The following CELF4 variants were observed in gnomAD, a reference collection of about 807,000 sequenced individuals.
CELF4 encodes the protein CUG-BP- and ETR-3-like factor 4.
In CELF4, 18 loss-of-function variants were observed where a neutral mutation model predicts 59.9. The observed-to-expected ratio is 0.30, with a 90% confidence interval of 0.21 to 0.45. CELF4 has a LOEUF of 0.45. Ranked by LOEUF, CELF4 falls within the 20% of genes least tolerant of loss-of-function variation. The pLI, the probability that CELF4 is intolerant of heterozygous loss-of-function variation, is 1.00. For missense variants in CELF4, 456 were observed against 689.0 expected (o/e 0.66, Z 3.79); for synonymous variants, 261 against 267.1 (o/e 0.98, Z 0.22).
intron 3 of CELF4, among the ~76,000 whole-genome samples, chr18:37,295,753 G>A (rs1208878047): frequency 2.0e-5 from 3 of 152,240 alleles, no homozygotes; most frequent in Admixed American, 6.5e-5. Context: ...GGCATGGGGA[G>A]TCTCCAACAT....
chr18:37,270,805 C>T lies in CELF4; in HGVS notation c.1062G>A (p.Ala354=), dbSNP rs376891998. Reference sequence around the variant, plus strand: ...GGATGCCATTGGCGAACACAGCTTCCGCAGCAGGTTGCCCATTGGCCTGTG... The same window carrying T: ...GGATGCCATTGGCGAACACAGCTTCTGCAGCAGGTTGCCCATTGGCCTGTG... ...LPPQANGQPA[A]EAVFANGIHP... is the part of the protein sequence containing the mutation. Residue 354 remains alanine, a synonymous_variant, in exon 8 of 13, where the codon GCG becomes GCA. Transcript: ENST00000420428. 5.0e-5 allele frequency: 81 copies of T among 1,613,976 alleles called. 1 individual carries two copies. The highest frequency in any genetic ancestry group is 2.5e-4 in the East Asian group (11 of 44,878).
intron 2 of CELF4, among the ~76,000 whole-genome samples, chr18:37,355,984 G>A (rs936360673): frequency 3.3e-5 from 5 of 152,124 alleles, no homozygotes; most frequent in Admixed American, 6.5e-5. Flanking sequence ...GTCTGTCTTC[G>A]TCAGCCACAG....
At chr18:37,302,319 A>C (rs2096106663) in intron 3 of CELF4, among the ~76,000 whole-genome samples, 1 of 152,078 alleles carries the variant, frequency 6.6e-6, no homozygotes, top group Non-Finnish European at 1.5e-5. Flanking sequence ...TCCTGTCTGT[A>C]TCCACACAAC....
intron 2 of CELF4, among the ~76,000 whole-genome samples, chr18:37,405,283 A>T (rs2099373042): frequency 6.6e-6 from 1 of 152,228 alleles, no homozygotes; most frequent in South Asian, 2.1e-4. Flanking sequence ...TTCCTCAGGC[A>T]GGGGCATGAT....
intron 2 of CELF4, among the ~76,000 whole-genome samples, chr18:37,451,313 G>A (rs938714802): frequency 1.3e-5 from 2 of 152,068 alleles, no homozygotes; most frequent in African/African-American, 4.8e-5. Flanking sequence ...GAGTACGAAC[G>A]TAGTGTGTCT....
At chr18:37,494,457 G>A (rs1293835226) in intron 1 of CELF4, among the ~76,000 whole-genome samples, 1 of 152,208 alleles carries the variant, frequency 6.6e-6, no homozygotes, top group East Asian at 1.9e-4. Flanking sequence ...TGTTCCTGCA[G>A]CCAGGGGCTT....
chr18:37,438,316 C>T (rs1476765872), intron 2 of CELF4, among the ~76,000 whole-genome samples: 2 of 152,138 alleles, frequency 1.3e-5, no homozygotes, highest in East Asian at 3.9e-4. Flanking sequence ...AGTGTTACCC[C>T]TTGAAATGGA....
chr18:37,496,850 G>A (rs902727095), intron 1 of CELF4, among the ~76,000 whole-genome samples: 1 of 152,158 alleles, frequency 6.6e-6, no homozygotes, highest in African/African-American at 2.4e-5. Context: ...GGGCTGCGGC[G>A]AAGAAGGAGT....
chr18:37,562,041 A>G (rs2099986690), intron 1 of CELF4, among the ~76,000 whole-genome samples: 1 of 151,748 alleles, frequency 6.6e-6, no homozygotes, highest in Non-Finnish European at 1.5e-5. Flanking sequence ...GCACCCAGAT[A>G]CCCCTCTCCC....
intron 1 of CELF4, among the ~76,000 whole-genome samples, chr18:37,553,727 T>A (rs1475716368): frequency 6.6e-6 from 1 of 151,184 alleles, no homozygotes; most frequent in Non-Finnish European, 1.5e-5. Flanking sequence ...ACGTGGAGAG[T>A]CCCCCACCCG....
chr18:37,477,804 C>T (rs2099854349), intron 2 of CELF4, among the ~76,000 whole-genome samples: 1 of 152,220 alleles, frequency 6.6e-6, no homozygotes, highest in African/African-American at 2.4e-5. Flanking sequence ...CTCCCACAAC[C>T]AAACTTCGCA....
intron 3 of CELF4, among the ~76,000 whole-genome samples, chr18:37,284,908 A>G (rs1333663679): frequency 6.6e-6 from 1 of 152,208 alleles, no homozygotes; most frequent in Non-Finnish European, 1.5e-5. Context: ...ACTCAGCCCC[A>G]GGTGGTCTGG....
intron 2 of CELF4, among the ~76,000 whole-genome samples, chr18:37,413,242 G>T (rs151208015): frequency 1.7e-3 from 261 of 152,314 alleles, no homozygotes; most frequent in African/African-American, 5.9e-3. Flanking sequence ...CTGTGTGTCT[G>T]CGTGTGTTCA....
At chr18:37,454,684 G>T (rs556922090) in intron 2 of CELF4, among the ~76,000 whole-genome samples, 6 of 152,256 alleles carry the variant, frequency 3.9e-5, no homozygotes, top group Middle Eastern at 3.4e-3. Context: ...GAGTCCGCCT[G>T]CAAAGCATAT....
At chr18:37,438,944 A>T (rs1436906076) in intron 2 of CELF4, among the ~76,000 whole-genome samples, 1 of 152,144 alleles carries the variant, frequency 6.6e-6, no homozygotes, top group Non-Finnish European at 1.5e-5. Flanking sequence ...GATGGATGGC[A>T]ATATTTCCAG....
Position 37,445,801 on chromosome 18 carries a change from C to T in CELF4, c.369+39724G>A, listed in dbSNP as rs577238877. Among the ~76,000 whole-genome samples the T allele has an allele frequency of 2.6e-5, 4 of 152,246 alleles. No homozygotes were observed. In the East Asian group the frequency reaches 5.8e-4, roughly 22 times the overall value. ...GAGGAGAAGAGGCAGAGAAGGCAGA[C>T]AGGGAAATGGCCACGGGAGGCCTGG... On this transcript the variant is annotated intron_variant, in intron 2 of 12. Transcript: ENST00000420428.
rs1437241032 is a variant in CELF4, at chr18:37,485,517, C to A, written c.369+8G>T. The A allele has an allele frequency of 3.7e-6, 5 of 1,355,564 alleles. No individual in the cohort carries two copies. In the Admixed American group the frequency reaches 1.4e-4, roughly 37 times the overall value. 84.0% of individuals were successfully genotyped at this position (1,355,564 alleles called of 1,614,324 possible). ...TCGGCCGCTTGCGCCACGGCGGGCG[C>A]CACTTACCCCGGGCAGAGTCTTCTG... On this transcript the variant is annotated splice_region_variant and intron_variant, in intron 2 of 12. Coordinates refer to ENST00000420428, the MANE Select transcript of CELF4 (RefSeq NM_020180.4).
chr18:37,494,772 G>C (rs1043374058), intron 1 of CELF4, among the ~76,000 whole-genome samples: 18 of 152,174 alleles, frequency 1.2e-4, no homozygotes, highest in Admixed American at 1.1e-3. Flanking sequence ...AGGAGCCCTA[G>C]GCAGTGTCTG....
At chr18:37,557,220 C>T (rs994935463) in intron 1 of CELF4, among the ~76,000 whole-genome samples, 15 of 152,190 alleles carry the variant, frequency 9.9e-5, no homozygotes, top group Non-Finnish European at 1.8e-4. Context: ...CGCTTGTGCA[C>T]GTGCATATGT....
Sources: allele counts gnomAD v4.1 joint callset (sites outside exome capture counted in the v4.1 genomes callset), GRCh38; gene constraint gnomAD v4.1.1; transcripts MANE v1.5; gene names NCBI Gene and HGNC (gene_info 2026-07-23, HGNC 2026-07-21).